Variants in TRIM3 observed in about 807,000 individuals in gnomAD.
TRIM3 encodes the protein tripartite motif-containing protein 3.
Under a neutral mutation model 66.6 loss-of-function variants are expected in TRIM3, and 13 were observed. That is an observed-to-expected ratio of 0.20 (90% CI 0.13 to 0.31). The LOEUF is 0.31. TRIM3 is among the 10% of genes least tolerant of loss of function. The pLI is 1.00. For synonymous variants in TRIM3, 406 were observed against 411.7 expected (o/e 0.99, Z 0.17); for missense variants, 711 against 1,020.4 (o/e 0.70, Z 4.13).
At chr11:6,472,379 A>G (rs1009293735) in intron 1 of TRIM3, among the ~76,000 whole-genome samples, 1 of 152,216 alleles carries the variant, frequency 6.6e-6, no homozygotes, top group African/African-American at 2.4e-5. Flanking sequence ...TTCCACTGTT[A>G]GGCTAAATGT....
chr11:6,453,684 C>T lies in TRIM3; in HGVS notation c.1534-2246G>A, dbSNP rs542490766. Among the ~76,000 whole-genome samples the T allele has an allele frequency of 3.3e-5, 5 of 152,314 alleles. No homozygotes were observed. In the East Asian group the frequency reaches 9.6e-4, roughly 29 times the overall value. On this transcript the variant is annotated intron_variant, in intron 7 of 11. Transcript: ENST00000345851. ...ATAAAACTGGAAGCTTAGACAATTA[C>T]ACAAGGACATAATATATACAAATCA...
chr11:6,473,026 A>T (rs1223698124), intron 1 of TRIM3: 1 of 152,696 alleles, frequency 6.5e-6, no homozygotes, highest in Non-Finnish European at 1.5e-5. Context: ...TCTGTTGTCC[A>T]CATCAGAGAA....
rs1184107778 is a variant in TRIM3 at position 6,448,652 on chromosome 11, T to C, written c.*376A>G. On this transcript the variant is annotated 3_prime_UTR_variant, in exon 12 of 12. Transcript: ENST00000345851. Reference sequence around the variant, plus strand: ...TTTATTTAATATGGGGGGTGGGGTATTGCTGTCTCTGTCAGTGTGTATAGG... The same window carrying C: ...TTTATTTAATATGGGGGGTGGGGTACTGCTGTCTCTGTCAGTGTGTATAGG... The C allele has an allele frequency of 2.1e-6, 1 of 467,546 alleles. No homozygotes were observed. Among genetic ancestry groups the C allele is most frequent in the Non-Finnish European group, 3.8e-6 (1 of 261,388 alleles). 29.0% of individuals were successfully genotyped at this position (467,546 alleles called of 1,614,324 possible).
chr11:6,456,426 G>C lies in TRIM3; in HGVS notation c.1300C>G (p.Arg434Gly). 2 of 1,532,970 alleles carry C rather than the reference G, an allele frequency of 1.3e-6. No individual in the cohort carries two copies. The highest frequency in any genetic ancestry group is 1.8e-4 in the Middle Eastern group (1 of 5,654). The allele number at this position is 1,532,970 out of a possible 1,614,324, so 95.0% of individuals were successfully genotyped here. The change falls in exon 6 of 12, where the codon CGT (arginine) becomes GGT (glycine). Residue 434 changes from arginine (R) to glycine (G), a missense_variant. Physicochemically the swap from Arg to Gly is moderately radical, Grantham distance 125 (BLOSUM62 -2). Transcript: ENST00000345851. The surrounding 1 kb of genome is among the most constrained non-coding windows in gnomAD (Gnocchi z 6.4). ...LPPSPDDVKR[R>G]VKSPGGPGSH... is the part of the protein sequence containing the mutation. ...CCGGGGCCGCCAGGGGACTTGACAC[G>C]GCGCTTCACATCGTCCGGGGAAGGT...
intron 1 of TRIM3, among the ~76,000 whole-genome samples, chr11:6,472,193 G>T (rs1228888650): frequency 2.6e-5 from 4 of 152,168 alleles, no homozygotes; most frequent in African/African-American, 7.2e-5. Context: ...AACACAAGGT[G>T]AAACTCTAGG....
At chr11:6,454,091 TG>T (rs1197364586) in intron 7 of TRIM3, among the ~76,000 whole-genome samples, 1 of 152,026 alleles carries the variant, frequency 6.6e-6, no homozygotes, top group Non-Finnish European at 1.5e-5. Flanking sequence ...TCTGAAACAA[TG>T]GGGAGGCCAG....
In TRIM3 at chr11:6,449,368, C is replaced by T; in HGVS notation, c.2020G>A (p.Gly674Arg). The change falls in exon 11 of 12, where the codon GGA (glycine) becomes AGA (arginine). Residue 674 changes from glycine to arginine, a missense_variant. By Grantham distance (125) the Gly-to-Arg change is moderately radical (BLOSUM62 -2). This residue lies in a region of TRIM3 where 163 missense variants were observed against 321.9 expected (regional missense o/e 0.51). Coordinates refer to ENST00000345851, the MANE Select transcript of TRIM3 (RefSeq NM_033278.4). The surrounding 1 kb of genome is among the most constrained non-coding windows in gnomAD (Gnocchi z 5.3). ...TTTCCATTGGAGTCCACAGCTACTCCTGTGGGGGCATTGAACTGCCCATTG... is the reference window on the plus strand; with the variant it reads ...TTTCCATTGGAGTCCACAGCTACTCTTGTGGGGGCATTGAACTGCCCATTG... Reference protein sequence around the residue: ...EGNGQFNAPTGVAVDSNGNII... With the variant: ...EGNGQFNAPTRVAVDSNGNII... The T allele has an allele frequency of 6.2e-7, 1 of 1,614,144 alleles. No individual in the cohort carries two copies. Among genetic ancestry groups the T allele is most frequent in the Non-Finnish European group, 8.5e-7 (1 of 1,180,002 alleles).
Position 6,456,339 on chromosome 11 carries a change from G to A in TRIM3, c.1387C>T (p.Arg463Ter). 6.5e-7 allele frequency: 1 copy of A among 1,542,206 alleles called. No individual in the cohort carries two copies. ...TCATCCTCAATTGGGTTGTCCTTTC[G>A]TTTGCCGCCTGTGCTGTACATGGAG... is the stretch of plus-strand genomic sequence containing the variant. Reference protein sequence around the residue: ...PSSMYSTGGKRKDNPIEDELV... With the variant: ...PSSMYSTGGK The change falls in exon 6 of 12, where the codon CGA (arginine) becomes TGA (stop). Residue 463 changes from arginine to a stop codon, truncating the protein, a stop_gained. Coordinates refer to ENST00000345851, the MANE Select transcript of TRIM3 (RefSeq NM_033278.4). LOFTEE classifies it high-confidence loss of function. The surrounding 1 kb of genome is among the most constrained non-coding windows in gnomAD (Gnocchi z 6.4).
chr11:6,460,371 A>G (rs1850173588), intron 2 of TRIM3, among the ~76,000 whole-genome samples: 1 of 151,880 alleles, frequency 6.6e-6, no homozygotes, highest in African/African-American at 2.4e-5. Context: ...GGTGCTAGAA[A>G]GAGTTTTTAC....
rs1465319174 is a variant in TRIM3, at chr11:6,456,792, G to C, written c.934C>G (p.Leu312Val). ...GCGCTCGTGGTGAGCAGTGCGCCCA[G>C]ATTGAGCACCGATCGCCGCAGACCG... is the stretch of plus-strand genomic sequence containing the variant. ...VDGLRRSVLN[L>V]GALLTTSATA... Residue 312 changes from leucine (L) to valine (V), a missense_variant, in exon 6 of 12, where the codon CTG becomes GTG. Leu to Val is a conservative substitution (Grantham distance 32). Transcript: ENST00000345851. This position sits in a 1 kb window ranked among gnomAD's most constrained non-coding sequence, Gnocchi z 6.4. 1.4e-5 allele frequency: 23 copies of C among 1,612,402 alleles called. No individual in the cohort carries two copies. Among genetic ancestry groups the C allele is most frequent in the Non-Finnish European group, 1.7e-5 (20 of 1,179,974 alleles).
intron 7 of TRIM3, among the ~76,000 whole-genome samples, chr11:6,453,408 G>T (rs1279705076): frequency 1.3e-5 from 2 of 152,198 alleles, no homozygotes; most frequent in East Asian, 3.8e-4. Context: ...TGGTGTCCTA[G>T]TTTGGTCCTT....
chr11:6,451,670 C>G, intron 7 of TRIM3: 1 of 540,268 alleles, frequency 1.9e-6, no homozygotes. Flanking sequence ...AGAAAAGGCT[C>G]CAAGAGAAGA....
chr11:6,473,377 G>A (rs1318900819), intron 1 of TRIM3: 2 of 139,570 alleles, frequency 1.4e-5, no homozygotes, highest in East Asian at 4.7e-4. Context: ...GGGTGGGGTA[G>A]GGTGGGGGTG....
At position 6,456,173 on chromosome 11, in the gene TRIM3, T is replaced by C; in HGVS notation, c.1432A>G (p.Ser478Gly). ...AATTCACCTTTCTCCCTTCCACGAC[T>C]GCCTGTGGGAAGGGACAGGAGGGAA... ...IEDELVFRVG[S>G]RGREKGEFTN... The change falls in exon 7 of 12, where the codon AGT (serine) becomes GGT (glycine). Residue 478 changes from serine to glycine, a missense_variant and splice_region_variant. Coordinates refer to ENST00000345851, the MANE Select transcript of TRIM3 (RefSeq NM_033278.4). This position sits in a 1 kb window ranked among gnomAD's most constrained non-coding sequence, Gnocchi z 6.4. 8 of 1,614,058 alleles carry C rather than the reference T, an allele frequency of 5.0e-6. No homozygotes were observed. Among genetic ancestry groups the C allele is most frequent in the Non-Finnish European group, 6.8e-6 (8 of 1,179,930 alleles).
upstream of TRIM3, chr11:6,474,358 A>C (rs1273291707): frequency 1.3e-5 from 2 of 152,192 alleles, no homozygotes; most frequent in Non-Finnish European, 1.5e-5. Flanking sequence ...CTCCTATGGA[A>C]TATGCTAGTC....
rs1849639739 is a variant in TRIM3, at chr11:6,449,630, T to C, written c.1942-184A>G. 7.8e-6 allele frequency: 4 copies of C among 514,798 alleles called. No individual in the cohort carries two copies. The highest frequency in any genetic ancestry group is 1.4e-5 in the Non-Finnish European group (4 of 294,022). The allele number at this position is 514,798 out of a possible 1,614,324, so 31.9% of individuals were successfully genotyped here. ...GCCTAGTAGACATCTCTTGCTGATG[T>C]CCATTGGGAATATCAAATCTAACAG... On this transcript the variant is annotated intron_variant, in intron 10 of 11. Transcript: ENST00000345851. The surrounding 1 kb of genome is among the most constrained non-coding windows in gnomAD (Gnocchi z 5.3).
intron 1 of TRIM3, among the ~76,000 whole-genome samples, chr11:6,471,685 C>T (rs1398483587): frequency 6.6e-6 from 1 of 152,152 alleles, no homozygotes; most frequent in Non-Finnish European, 1.5e-5. Flanking sequence ...TGATAAGTAC[C>T]ATGATATTGA....
chr11:6,471,676 G>A (rs1850690352), intron 1 of TRIM3, among the ~76,000 whole-genome samples: 2 of 152,324 alleles, frequency 1.3e-5, no homozygotes, highest in Admixed American at 6.5e-5. Flanking sequence ...ACTACAATGT[G>A]ATAAGTACCA....
rs1469369856 is a variant in TRIM3, at chr11:6,448,832, C to G, written c.*196G>C. 4.5e-6 allele frequency: 3 copies of G among 664,034 alleles called. No individual in the cohort carries two copies. The South Asian group carries it at 5.4e-5, about 12-fold the overall frequency. 41.1% of individuals were successfully genotyped at this position (664,034 alleles called of 1,614,324 possible). ...TCCTTGGGACCACAGTCCAGGCTCA[C>G]CCAGTCACCAAAGCAAGAACCGAAT... On this transcript the variant is annotated 3_prime_UTR_variant, in exon 12 of 12. Transcript: ENST00000345851.
Sources: gnomAD v4.1 joint callset for allele counts (sites outside exome capture counted in the v4.1 genomes callset) on GRCh38, gnomAD v4.1.1 for gene constraint, gnomAD v4.1.1 regional missense constraint, Gnocchi (gnomAD v3.1) non-coding constraint, MANE v1.5 for transcripts, NCBI Gene and HGNC (gene_info 2026-07-23, HGNC 2026-07-21) for gene names.